Variants in TSNARE1 observed in about 807,000 individuals in gnomAD.
The protein encoded by TSNARE1 is t-SNARE domain containing 1, also known as t-SNARE domain-containing protein 1.
In TSNARE1, 49 loss-of-function variants were observed where a neutral mutation model predicts 62.0. The ratio of observed to expected loss-of-function variants is 0.79; its 90% CI spans 0.63 to 1.00. The LOEUF (loss-of-function observed/expected upper bound fraction) is 1.00. TSNARE1 is among the 50% of genes least tolerant of loss of function. The probability of loss-of-function intolerance (pLI) is 0.00; values close to 1 mark genes in which losing one functional copy is unlikely to be tolerated. For synonymous variants in TSNARE1, 328 were observed against 294.4 expected (o/e 1.11, Z -1.17); for missense variants, 755 against 700.1 (o/e 1.08, Z -0.88).
intron 11 of TSNARE1, chr8:142,275,315 G>A: frequency 8.1e-6 from 8 of 985,444 alleles, no homozygotes; most frequent in Non-Finnish European, 9.6e-6. Context: ...GCAAGCACAG[G>A]GCTCTGGTTT....
At chr8:142,387,606 G>C (rs747097983) in intron 1 of TSNARE1, among the ~76,000 whole-genome samples, 5 of 151,996 alleles carry the variant, frequency 3.3e-5, no homozygotes. Flanking sequence ...AGTCACAGAA[G>C]ATCATTTTAC....
At chr8:142,348,110 T>C (rs1833618390) in intron 2 of TSNARE1, among the ~76,000 whole-genome samples, 1 of 152,100 alleles carries the variant, frequency 6.6e-6, no homozygotes, top group Non-Finnish European at 1.5e-5. Flanking sequence ...ATGCAGACAG[T>C]TATAAATAAA....
intron 9 of TSNARE1, among the ~76,000 whole-genome samples, chr8:142,308,827 T>C (rs534395814): frequency 5.9e-5 from 9 of 152,122 alleles, no homozygotes; most frequent in Non-Finnish European, 1.0e-4. Flanking sequence ...CTTATTGGGA[T>C]TGTATTGAGC....
At chr8:142,294,608 G>A (rs1289904105) in intron 10 of TSNARE1, among the ~76,000 whole-genome samples, 1 of 152,188 alleles carries the variant, frequency 6.6e-6, no homozygotes, top group Non-Finnish European at 1.5e-5. Context: ...TGTCCTGGAA[G>A]CCAGCTCTCT....
At chr8:142,297,634 C>G (rs1050424844) in intron 10 of TSNARE1, among the ~76,000 whole-genome samples, 3 of 152,192 alleles carry the variant, frequency 2.0e-5, no homozygotes, top group Non-Finnish European at 4.4e-5. Flanking sequence ...AAAACCCTGC[C>G]GCCCACCCCC....
At chr8:142,332,168 A>G (rs544702701) in intron 4 of TSNARE1, among the ~76,000 whole-genome samples, 1 of 152,338 alleles carries the variant, frequency 6.6e-6, no homozygotes, top group African/African-American at 2.4e-5. Context: ...GAGCAGCATC[A>G]CTAAGAGTCA....
intron 1 of TSNARE1, among the ~76,000 whole-genome samples, chr8:142,401,344 G>C (rs1015434729): frequency 3.3e-5 from 5 of 152,130 alleles, no homozygotes; most frequent in African/African-American, 1.2e-4. Flanking sequence ...ACACGGGAGT[G>C]CCAGGGCATT....
chr8:142,284,546 C>T, intron 10 of TSNARE1, 61 bp from the exon 11 acceptor site: 1 of 1,300,010 alleles, frequency 7.7e-7, no homozygotes, highest in Middle Eastern at 1.8e-4. Context: ...CCAAGGGCAC[C>T]TGAAAGTTTC....
chr8:142,237,191 GC>G (rs1817477784), intron 12 of TSNARE1, among the ~76,000 whole-genome samples: 1 of 151,962 alleles, frequency 6.6e-6, no homozygotes, highest in Non-Finnish European at 1.5e-5. Flanking sequence ...GCAGTCACAC[GC>G]CTGCCACCCC....
chr8:142,305,503 G>A (rs898569782), intron 9 of TSNARE1, among the ~76,000 whole-genome samples: 3 of 152,146 alleles, frequency 2.0e-5, no homozygotes, highest in African/African-American at 4.8e-5. Context: ...GCGGGCCAGA[G>A]GAGACCCCGC....
In TSNARE1 at chr8:142,300,573, C is replaced by T; in HGVS notation, c.1203G>A (p.Gln401=). 1.2e-6 allele frequency: 2 copies of T among 1,613,482 alleles called. No individual in the cohort carries two copies. The highest frequency in any genetic ancestry group is 1.7e-6 in the Non-Finnish European group (2 of 1,180,020). ...KVFNGSDNMW[Q]GQEQALLPDI... The stretch of plus-strand genomic sequence containing the variant: ...CCGGGAGCAGCGCCTGCTCCTGGCC[C>T]TGCCACATGTTGTCACTCCCGTTAA... Residue 401 remains glutamine (Q), a synonymous_variant, in exon 10 of 14, where the codon CAG becomes CAA. Transcript: ENST00000524325.
chr8:142,313,209 C>A (rs571279428), intron 9 of TSNARE1, among the ~76,000 whole-genome samples: 1 of 149,660 alleles, frequency 6.7e-6, no homozygotes, highest in Non-Finnish European at 1.5e-5. Flanking sequence ...TTTATCTGCA[C>A]GTGTCTGCGT....
intron 13 of TSNARE1, among the ~76,000 whole-genome samples, chr8:142,214,794 G>A (rs755789400): frequency 1.2e-4 from 19 of 152,292 alleles, no homozygotes; most frequent in South Asian, 2.1e-4. Flanking sequence ...CCTCCGCCAC[G>A]TGAGGATGTA....
rs58755110 is a variant in TSNARE1, at chr8:142,311,290, G to GTTTTTTTTTTTTTTTTTTTTTTTTTTTTT, written c.1131+3093_1131+3094insAAAAAAAAAAAAAAAAAAAAAAAAAAAAA. On this transcript the variant is annotated intron_variant, in intron 9 of 13. Transcript: ENST00000524325. ...CGATTCTCCTGCCTCAGCCTCTCTA[G>GTTTTTTTTTTTTTTTTTTTTTTTTTTTTT]TTTTTTTTTTTTTTTTTTTTTTTTG... Among the ~76,000 whole-genome samples, 48 of 57,350 alleles carry GTTTTTTTTTTTTTTTTTTTTTTTTTTTTT rather than the reference G, an allele frequency of 8.4e-4. 4 individuals carry two copies. Among genetic ancestry groups the GTTTTTTTTTTTTTTTTTTTTTTTTTTTTT allele is most frequent in the South Asian group, 4.1e-3 (6 of 1,450 alleles). 37.6% of individuals were successfully genotyped at this position (57,350 alleles called of 152,430 possible). A position where few individuals can be genotyped will look rare whatever the true frequency, so the allele number is the denominator to read the frequency against.
chr8:142,263,210 TA>T (rs1294766354), intron 12 of TSNARE1, among the ~76,000 whole-genome samples: 1 of 152,242 alleles, frequency 6.6e-6, no homozygotes, highest in African/African-American at 2.4e-5. Flanking sequence ...TGATGAGTCT[TA>T]AAAATATGAA....
chr8:142,254,422 C>G (rs532270373), intron 12 of TSNARE1, among the ~76,000 whole-genome samples: 1 of 152,342 alleles, frequency 6.6e-6, no homozygotes. Flanking sequence ...TCCAAACCAC[C>G]TGGAGCCTGC....
At position 142,354,765 on chromosome 8, in the gene TSNARE1, T is replaced by A. The variant is rs1271019623; in HGVS notation, c.-39-2A>T. 2 of 1,529,206 alleles carry A rather than the reference T, an allele frequency of 1.3e-6. No individual in the cohort carries two copies. Among genetic ancestry groups the A allele is most frequent in the Non-Finnish European group, 1.8e-6 (2 of 1,104,522 alleles). The allele number at this position is 1,529,206 out of a possible 1,614,324, so 94.7% of individuals were successfully genotyped here. A position where few individuals can be genotyped will look rare whatever the true frequency, so the allele number is the denominator to read the frequency against. ...AGGGCCAGCAGCCTCCACACTGAGC[T>A]GGAGGAAACACGAAAAGCAGGGGGA... On this transcript the variant is annotated splice_acceptor_variant, in intron 1 of 13. Transcript: ENST00000524325. LOFTEE classifies it low-confidence loss of function (5UTR_SPLICE).
At chr8:142,251,283 A>G (rs11996660) in intron 12 of TSNARE1, among the ~76,000 whole-genome samples, 85,469 of 148,064 alleles carry the variant, frequency 0.58, 26,519 homozygotes, top group African/African-American at 0.82. Flanking sequence ...TGGCTCAGGC[A>G]GTGTCGGAGT....
chr8:142,402,508 GC>G (rs1838367639), intron 1 of TSNARE1, among the ~76,000 whole-genome samples: 2 of 152,378 alleles, frequency 1.3e-5, no homozygotes, highest in Middle Eastern at 3.4e-3. Context: ...GAGAGTTTCT[GC>G]GGGGGCAGCA....
Sources: allele counts gnomAD v4.1 joint callset (sites outside exome capture counted in the v4.1 genomes callset), GRCh38; gene constraint gnomAD v4.1.1; transcripts MANE v1.5; gene names NCBI Gene and HGNC (gene_info 2026-07-23, HGNC 2026-07-21).